The following PTPRD variants were observed in gnomAD, a reference collection of about 807,000 sequenced individuals.
The protein encoded by PTPRD is protein tyrosine phosphatase receptor type D.
PTPRD carries 34 observed loss-of-function variants against 214.5 expected under a neutral mutation model. The ratio of observed to expected loss-of-function variants is 0.16; its 90% confidence interval spans 0.12 to 0.21. The LOEUF (loss-of-function observed/expected upper bound fraction) is 0.21. Ranked by LOEUF, PTPRD falls within the 10% of genes least tolerant of loss-of-function variation. The probability of loss-of-function intolerance (pLI) is 1.00; values close to 1 mark genes in which losing one functional copy is unlikely to be tolerated. For missense variants in PTPRD, 2,545 were observed against 2,398.7 expected (o/e 1.06, Z -1.27); for synonymous variants, 1,128 against 845.7 (o/e 1.33, Z -5.79).
At chr9:9,684,384 G>A (rs1449498868) in intron 7 of PTPRD, among the ~76,000 whole-genome samples, 1 of 151,392 alleles carries the variant, frequency 6.6e-6, no homozygotes, top group Non-Finnish European at 1.5e-5. Flanking sequence ...TTTTACTGAG[G>A]CATTTTGAAC....
At chr9:10,452,312 G>C (rs186709881) in intron 2 of PTPRD, among the ~76,000 whole-genome samples, 1 of 151,914 alleles carries the variant, frequency 6.6e-6, no homozygotes, top group East Asian at 1.9e-4. Flanking sequence ...TTAAGATACT[G>C]ATTTCATTTA....
chr9:10,352,430 T>A (rs1014995893), intron 2 of PTPRD, among the ~76,000 whole-genome samples: 1 of 152,014 alleles, frequency 6.6e-6, no homozygotes, highest in African/African-American at 2.4e-5. Flanking sequence ...CACATTTTGT[T>A]TGACTAAGGC....
chr9:9,800,494 G>C (rs1378339540), intron 5 of PTPRD: 5 of 152,140 alleles, frequency 3.3e-5, no homozygotes, highest in South Asian at 2.1e-4. Context: ...ACGGCCAATT[G>C]ATTAAATGAT....
At chr9:8,583,411 C>T (rs746129039) in intron 14 of PTPRD, among the ~76,000 whole-genome samples, 1 of 152,150 alleles carries the variant, frequency 6.6e-6, no homozygotes, top group Non-Finnish European at 1.5e-5. Flanking sequence ...ACTTGAACTC[C>T]TGGGCTCAAG....
chr9:9,683,593 T>C (rs1221297360), intron 7 of PTPRD, among the ~76,000 whole-genome samples: 1 of 151,688 alleles, frequency 6.6e-6, no homozygotes. Context: ...AGGGGACTAA[T>C]AAGAATTTCA....
intron 7 of PTPRD, among the ~76,000 whole-genome samples, chr9:9,664,808 T>C (rs2096685447): frequency 4.0e-5 from 6 of 151,680 alleles, no homozygotes. Flanking sequence ...TGTATGTTAA[T>C]GAGAAAGCCT....
At chr9:8,838,942 T>C (rs1239605617) in intron 11 of PTPRD, among the ~76,000 whole-genome samples, 4 of 152,090 alleles carry the variant, frequency 2.6e-5, no homozygotes, top group African/African-American at 4.8e-5. Flanking sequence ...GATTTGACTA[T>C]ATAAAATGAT....
intron 2 of PTPRD, among the ~76,000 whole-genome samples, chr9:10,381,048 G>C (rs1476781584): frequency 6.6e-6 from 1 of 151,472 alleles, no homozygotes; most frequent in Non-Finnish European, 1.5e-5. Context: ...GCTCAACTCA[G>C]TAATCATAGA....
At chr9:10,165,607 C>A (rs957903054) in intron 3 of PTPRD, among the ~76,000 whole-genome samples, 1 of 151,544 alleles carries the variant, frequency 6.6e-6, no homozygotes, top group Non-Finnish European at 1.5e-5. Flanking sequence ...TTTTAAAAGA[C>A]TCAATGCTTT....
intron 2 of PTPRD, among the ~76,000 whole-genome samples, chr9:10,483,896 A>T (rs934090136): frequency 2.0e-5 from 3 of 152,132 alleles, no homozygotes; most frequent in African/African-American, 7.2e-5. Context: ...AAGTAGATCC[A>T]CCATTCAACT....
intron 7 of PTPRD, among the ~76,000 whole-genome samples, chr9:9,632,813 C>A (rs2095635094): frequency 1.3e-5 from 2 of 152,042 alleles, no homozygotes; most frequent in South Asian, 2.1e-4. Context: ...ACTATGGGAA[C>A]TAAGAATGGT....
intron 2 of PTPRD, among the ~76,000 whole-genome samples, chr9:10,423,923 T>C (rs2098582297): frequency 6.6e-6 from 1 of 152,012 alleles, no homozygotes; most frequent in Admixed American, 6.6e-5. Flanking sequence ...TAAATGCTAA[T>C]AAAATGTTGA....
intron 2 of PTPRD, among the ~76,000 whole-genome samples, chr9:10,346,071 C>A (rs2097075288): frequency 5.3e-5 from 8 of 152,038 alleles, no homozygotes; most frequent in Admixed American, 5.2e-4. Flanking sequence ...GGAATTTAAG[C>A]AATTATATTG....
Position 10,058,628 on chromosome 9 carries a change from A to G in PTPRD, c.-544-24838T>C, listed in dbSNP as rs569312081. ...GACTAAGGTGGTAGTGTTTGATGCA[A>G]TATGGGCCAATTAGATTCTCTCTTA... is the stretch of plus-strand genomic sequence containing the variant. On this transcript the variant is annotated intron_variant, in intron 3 of 45. Transcript: ENST00000381196. Among the ~76,000 whole-genome samples, 5 of 152,230 alleles carry G rather than the reference A, an allele frequency of 3.3e-5. No individual in the cohort carries two copies. In the South Asian group the frequency reaches 1.0e-3, roughly 32 times the overall value.
At chr9:9,255,753 G>A (rs2099977446) in intron 9 of PTPRD, among the ~76,000 whole-genome samples, 1 of 152,094 alleles carries the variant, frequency 6.6e-6, no homozygotes, top group South Asian at 2.1e-4. Context: ...TAATCCAATT[G>A]TCCACTATTG....
rs751693412 is a variant in PTPRD, at chr9:9,699,989, C to T, written c.-287+34544G>A. Among the ~76,000 whole-genome samples the T allele has an allele frequency of 5.3e-4, 80 of 152,162 alleles. 1 individual carries two copies. Among genetic ancestry groups the T allele is most frequent in the African/African-American group, 7.0e-4 (29 of 41,532 alleles). ...TTATGAATTCAAGAAAGTGTTGGTA[C>T]GCTGATGTTACTTTTACAGAAATGC... On this transcript the variant is annotated intron_variant, in intron 7 of 45. Coordinates refer to ENST00000381196, the MANE Select transcript of PTPRD (RefSeq NM_002839.4).
At chr9:9,276,954 A>G (rs1945880509) in intron 9 of PTPRD, among the ~76,000 whole-genome samples, 1 of 151,306 alleles carries the variant, frequency 6.6e-6, no homozygotes, top group African/African-American at 2.4e-5. Context: ...AAATGCCAGG[A>G]CAGCATTTTC....
At chr9:8,403,652 C>A (rs900134287) in intron 36 of PTPRD, among the ~76,000 whole-genome samples, 1 of 152,146 alleles carries the variant, frequency 6.6e-6, no homozygotes, top group African/African-American at 2.4e-5. Flanking sequence ...TGAGGAGCAA[C>A]CCTCATCTTT....
chr9:10,536,510 A>G (rs2057831725), intron 2 of PTPRD, among the ~76,000 whole-genome samples: 1 of 152,150 alleles, frequency 6.6e-6, no homozygotes, highest in South Asian at 2.1e-4. Flanking sequence ...AATTTTAAAT[A>G]AACTTCCCTA....
Sources: allele counts gnomAD v4.1 joint callset (sites outside exome capture counted in the v4.1 genomes callset), GRCh38; gene constraint gnomAD v4.1.1; transcripts MANE v1.5; gene names NCBI Gene and HGNC (gene_info 2026-07-23, HGNC 2026-07-21).